The following ZNF470 variants were observed in gnomAD, a reference collection of about 807,000 sequenced individuals.
The protein encoded by ZNF470 is chondrogenesis zinc finger protein 1.
ZNF470 carries 13 observed loss-of-function variants against 13.9 expected under a neutral mutation model. The ratio of observed to expected loss-of-function variants is 0.94; its 90% CI spans 0.61 to 1.49. ZNF470 has a LOEUF of 1.49. Ranked by LOEUF, ZNF470 falls within the 40% of genes most tolerant of loss-of-function variation. The pLI, the probability that ZNF470 is intolerant of heterozygous loss-of-function variation, is 0.00. For missense variants in ZNF470, 929 were observed against 857.3 expected, an observed-to-expected ratio of 1.08 and a Z score of -1.04; for synonymous variants, 293 against 282.9, an observed-to-expected ratio of 1.04 and a Z score of -0.36.
chr19:56,574,829 T>A, intron 5 of ZNF470, 96 bp downstream of exon 5: 2 of 1,077,658 alleles, frequency 1.9e-6, no homozygotes, highest in Non-Finnish European at 2.7e-6. Context: ...CCTCCCAAAC[T>A]GAAACTTGTT....
intron 3 of ZNF470, among the ~76,000 whole-genome samples, chr19:56,573,541 G>T (rs1463707211): frequency 6.6e-6 from 1 of 152,224 alleles, no homozygotes; most frequent in Non-Finnish European, 1.5e-5. Flanking sequence ...CAGTCCAGTG[G>T]ATCACTTTGT....
chr19:56,576,774 A>T lies in ZNF470; in HGVS notation c.345A>T (p.Lys115Asn). 1 of 1,536,474 alleles carries T rather than the reference A, an allele frequency of 6.5e-7. No homozygotes were observed. ...TAAACCAGGATATTTATGAAGAAAA[A>T]TTACCCCCGGCAATCATAATGGAAA... ...LSLNQDIYEE[K>N]LPPAIIMERL... is the part of the protein sequence containing the mutation. Residue 115 changes from lysine to asparagine, a missense_variant, in exon 6 of 6, where the codon AAA becomes AAT. Transcript: ENST00000330619.
Position 56,581,867 on chromosome 19 carries a change from G to A in ZNF470, c.*3284G>A. ...GCATTTGGATCTGTGTCATCCAATGGCAACTCCCTAAAAGCTGATGCAGTT... is the reference window on the plus strand; with the variant it reads ...GCATTTGGATCTGTGTCATCCAATGACAACTCCCTAAAAGCTGATGCAGTT... On this transcript the variant is annotated 3_prime_UTR_variant, in exon 6 of 6. Coordinates refer to ENST00000330619, the MANE Select transcript of ZNF470 (RefSeq NM_001001668.4). 2 of 985,316 alleles carry A rather than the reference G, an allele frequency of 2.0e-6. No individual in the cohort carries two copies. The highest frequency in any genetic ancestry group is 6.1e-5 in the Admixed American group (1 of 16,266). 61.0% of individuals were successfully genotyped at this position (985,316 alleles called of 1,614,324 possible).
intron 5 of ZNF470, among the ~76,000 whole-genome samples, chr19:56,576,018 A>G (rs2044486420): frequency 6.6e-6 from 1 of 152,194 alleles, no homozygotes; most frequent in Non-Finnish European, 1.5e-5. Flanking sequence ...TACATACTTC[A>G]TTAGAAAACC....
At position 56,578,549 on chromosome 19, in the gene ZNF470, TCTC is replaced by T. The variant is rs1239505169; in HGVS notation, c.2124_2126del (p.Ser709del). 2 of 1,569,660 alleles carry T rather than the reference TCTC, an allele frequency of 1.3e-6. No homozygotes were observed. The highest frequency in any genetic ancestry group is 1.7e-6 in the Non-Finnish European group (2 of 1,157,964). On this transcript the variant is annotated inframe_deletion, in exon 6 of 6. Transcript: ENST00000330619. ...CATACCGGAGAGTCATCAGTTATTCTCTCCTCTGCCCTCCCATACCACCAAGTC... is the reference window on the plus strand; with the variant it reads ...CATACCGGAGAGTCATCAGTTATTCTCTCTGCCCTCCCATACCACCAAGTC...
rs2044468283 is a variant in ZNF470, at chr19:56,573,333, A to G, written c.61-1061A>G. 3.9e-5 allele frequency among the ~76,000 whole-genome samples: 6 copies of G among 152,312 alleles called. No individual in the cohort carries two copies. The South Asian group carries it at 1.0e-3, about 26-fold the overall frequency. The stretch of plus-strand genomic sequence containing the variant: ...ACGGTGCTGCCATGAAGCAAGTACT[A>G]TATTTCCATTTTTCAGATGGGAAAA... On this transcript the variant is annotated intron_variant, in intron 3 of 5. Transcript: ENST00000330619.
chr19:56,574,738 G>C lies in ZNF470; in HGVS notation c.283+5G>C, dbSNP rs200042466. On this transcript the variant is annotated splice_donor_5th_base_variant and intron_variant, in intron 5 of 5. Transcript: ENST00000330619. Reference sequence around the variant, plus strand: ...TGAACAGAGGCCTGTGCCCAGGTAAGTGGAGGATACCTAGAGATAAAGGAA... The same window carrying C: ...TGAACAGAGGCCTGTGCCCAGGTAACTGGAGGATACCTAGAGATAAAGGAA... The C allele has an allele frequency of 1.7e-5, 27 of 1,610,582 alleles. No homozygotes were observed. The highest frequency in any genetic ancestry group is 2.1e-5 in the Non-Finnish European group (25 of 1,177,998).
chr19:56,578,668 A>T lies in ZNF470; in HGVS notation c.*85A>T, dbSNP rs1331467161. On this transcript the variant is annotated 3_prime_UTR_variant, in exon 6 of 6. Transcript: ENST00000330619. ...TCATAGTCCAAGACGCAACCATCTC[A>T]TCTGGATTTCTGCAGTAGCATAACT... The T allele has an allele frequency of 4.4e-5, 59 of 1,342,314 alleles. No individual in the cohort carries two copies. The highest frequency in any genetic ancestry group is 5.6e-5 in the Non-Finnish European group (58 of 1,041,714). 83.2% of individuals were successfully genotyped at this position (1,342,314 alleles called of 1,614,324 possible).
rs2044443180 is a variant in ZNF470, at chr19:56,570,343, G to A, written c.32G>A (p.Gly11Glu). 1 of 1,614,164 alleles carries A rather than the reference G, an allele frequency of 6.2e-7. No individual in the cohort carries two copies. Among genetic ancestry groups the A allele is most frequent in the Non-Finnish European group, 8.5e-7 (1 of 1,180,014 alleles). The change falls in exon 3 of 6, where the codon GGA becomes GAA. Residue 11 changes from glycine to glutamate, a missense_variant. Gly to Glu is a moderately conservative substitution (Grantham distance 98). Coordinates refer to ENST00000330619, the MANE Select transcript of ZNF470 (RefSeq NM_001001668.4). MKSQEEVEVA[G>E]IKLCKAMSLG... ...AGCCAGGAAGAGGTAGAGGTGGCAG[G>A]AATTAAACTTTGTAAAGCCATGTCC...
Position 56,577,857 on chromosome 19 carries a change from T to G in ZNF470, c.1428T>G (p.Thr476=), listed in dbSNP as rs138257907. 2 of 1,613,892 alleles carry G rather than the reference T, an allele frequency of 1.2e-6. No individual in the cohort carries two copies. Among genetic ancestry groups the G allele is most frequent in the South Asian group, 1.1e-5 (1 of 91,072 alleles). ...TTACTCTTCATCAGAGAGTTCATAC[T>G]GGAGAGAAACCCTATGAATGTAAAG... The part of the protein sequence containing the change: ...GSLTLHQRVH[T]GEKPYECKEC... Residue 476 remains threonine, a synonymous_variant, in exon 6 of 6, where the codon ACT becomes ACG. Transcript: ENST00000330619.
chr19:56,579,381 C>A lies in ZNF470; in HGVS notation c.*798C>A. On this transcript the variant is annotated 3_prime_UTR_variant, in exon 6 of 6. Transcript: ENST00000330619. The stretch of plus-strand genomic sequence containing the variant: ...AGGTTGCAGTGAGTCATGATCACAC[C>A]ACTGCAATTCCAGCTGGGCAGCAGA... 1.1e-6 allele frequency: 1 copy of A among 927,112 alleles called. No individual in the cohort carries two copies. The highest frequency in any genetic ancestry group is 5.0e-5 in the South Asian group (1 of 20,114). The allele number at this position is 927,112 out of a possible 1,614,324, so 57.4% of individuals were successfully genotyped here. A position where few individuals can be genotyped will look rare whatever the true frequency, so the allele number is the denominator to read the frequency against.
intron 3 of ZNF470, among the ~76,000 whole-genome samples, chr19:56,572,365 A>T (rs1469576252): frequency 3.5e-4 from 14 of 40,394 alleles, no homozygotes; most frequent in South Asian, 1.3e-3. Context: ...AAAAAAAAAA[A>T]AAAAAAATAT....
chr19:56,575,542 G>C (rs1013714557), intron 5 of ZNF470, among the ~76,000 whole-genome samples: 9 of 151,008 alleles, frequency 6.0e-5, no homozygotes, highest in Non-Finnish European at 1.3e-4. Context: ...GAAATATATT[G>C]CAAGAAAATG....
chr19:56,579,551 T>C lies in ZNF470; in HGVS notation c.*968T>C. The C allele has an allele frequency of 1.0e-6, 1 of 985,436 alleles. No individual in the cohort carries two copies. Among genetic ancestry groups the C allele is most frequent in the Non-Finnish European group, 1.2e-6 (1 of 829,928 alleles). 61.0% of individuals were successfully genotyped at this position (985,436 alleles called of 1,614,324 possible). ...GCCATGAAACACTGAAAAGGGTAGT[T>C]CAATACTTTGGCCTTTATAAAAGTA... On this transcript the variant is annotated 3_prime_UTR_variant, in exon 6 of 6. Coordinates refer to ENST00000330619, the MANE Select transcript of ZNF470 (RefSeq NM_001001668.4).
rs1291382938 is a variant in ZNF470 at position 56,577,108 on chromosome 19, CT to C, written c.683del (p.Leu228Ter). 1 of 1,609,096 alleles carries C rather than the reference CT, an allele frequency of 6.2e-7. No individual in the cohort carries two copies. The highest frequency in any genetic ancestry group is 1.3e-5 in the African/African-American group (1 of 74,442). Reference sequence around the variant, plus strand: ...CAAGCAAGACCGTGGAGAAAAGAAACTTTTAAAATGTAATGACTGTGAGAAA... The same window carrying C: ...CAAGCAAGACCGTGGAGAAAAGAAACTTTAAAATGTAATGACTGTGAGAAA... ...KHKQDRGEKK[L>X]LKCNDCEKIF... On this transcript the variant is annotated frameshift_variant, in exon 6 of 6. Transcript: ENST00000330619. LOFTEE classifies it low-confidence loss of function (END_TRUNC).
chr19:56,576,862 T>C lies in ZNF470; in HGVS notation c.433T>C (p.Phe145Leu), dbSNP rs2147986243. 1 of 1,594,436 alleles carries C rather than the reference T, an allele frequency of 6.3e-7. No homozygotes were observed. The highest frequency in any genetic ancestry group is 2.2e-5 in the East Asian group (1 of 44,734). ...GAAAAACTGGAAATGTGAAGACTTGTTTGAGAGGGAGCTTGTAAACCAGAA... is the reference window on the plus strand; with the variant it reads ...GAAAAACTGGAAATGTGAAGACTTGCTTGAGAGGGAGCTTGTAAACCAGAA... The part of the protein sequence containing the change: ...LGKNWKCEDL[F>L]ERELVNQKTH... The change falls in exon 6 of 6, where the codon TTT becomes CTT. Residue 145 changes from phenylalanine (F) to leucine (L), a missense_variant. Phe to Leu is a conservative substitution (Grantham distance 22, BLOSUM62 0). Transcript: ENST00000330619.
At position 56,578,040 on chromosome 19, in the gene ZNF470, T is replaced by C. The variant is rs537594320; in HGVS notation, c.1611T>C (p.Tyr537=). 130 of 1,614,006 alleles carry C rather than the reference T, an allele frequency of 8.1e-5. No homozygotes were observed. Among genetic ancestry groups the C allele is most frequent in the Non-Finnish European group, 1.0e-4 (122 of 1,179,996 alleles). The change falls in exon 6 of 6, where the codon TAT becomes TAC. Residue 537 remains tyrosine (Y), a synonymous_variant. Coordinates refer to ENST00000330619, the MANE Select transcript of ZNF470 (RefSeq NM_001001668.4). ...HQKIHTGEKP[Y]ECKECGKAFS... is the part of the protein sequence containing the mutation. ...AAATACACACTGGGGAGAAACCTTA[T>C]GAATGTAAGGAATGTGGTAAGGCCT...
At chr19:56,569,011 C>CT (rs892384069) in intron 2 of ZNF470, 128 bp downstream of exon 2, 2 of 152,174 alleles carry the variant, frequency 1.3e-5, no homozygotes, top group Non-Finnish European at 2.9e-5. Flanking sequence ...GTTTATGACT[C>CT]TAAGTTCTTA....
chr19:56,577,954 T>C lies in ZNF470; in HGVS notation c.1525T>C (p.Tyr509His). The C allele has an allele frequency of 6.2e-7, 1 of 1,614,068 alleles. No homozygotes were observed. The highest frequency in any genetic ancestry group is 8.5e-7 in the Non-Finnish European group (1 of 1,180,010). ...HQRIHTGEKPYECKECSKTFS... is the reference protein window; with the variant it reads ...HQRIHTGEKPHECKECSKTFS... ...GAGAATTCATACTGGAGAGAAACCT[T>C]ATGAATGTAAGGAATGCAGCAAAAC... is the stretch of plus-strand genomic sequence containing the variant. Residue 509 changes from tyrosine (Y) to histidine (H), a missense_variant, in exon 6 of 6, where the codon TAT becomes CAT. Tyr to His is a moderately conservative substitution (Grantham distance 83). Coordinates refer to ENST00000330619, the MANE Select transcript of ZNF470 (RefSeq NM_001001668.4).
Sources: gnomAD v4.1 joint callset for allele counts (sites outside exome capture counted in the v4.1 genomes callset) on GRCh38, gnomAD v4.1.1 for gene constraint, MANE v1.5 for transcripts, NCBI Gene and HGNC (gene_info 2026-07-23, HGNC 2026-07-21) for gene names.